LEKR1: variants seen among roughly 807,000 people sequenced by gnomAD.
The protein encoded by LEKR1 is leucine, glutamate and lysine rich 1.
A neutral mutation model predicts 72.4 loss-of-function variants in LEKR1; 59 were observed. The ratio of observed to expected loss-of-function variants is 0.82; its 90% CI spans 0.66 to 1.01. The LOEUF is 1.01. Ranked by LOEUF, LEKR1 falls within the 50% of genes least tolerant of loss-of-function variation. LEKR1 has a pLI of 0.00. For missense variants in LEKR1, 728 were observed against 759.2 expected, an observed-to-expected ratio of 0.96 and a Z score of 0.48; for synonymous variants, 257 against 263.2, an observed-to-expected ratio of 0.98 and a Z score of 0.23.
intron 1 of LEKR1, among the ~76,000 whole-genome samples, chr3:156,827,750 C>T (rs1711825756): frequency 6.6e-6 from 1 of 152,186 alleles, no homozygotes; most frequent in Non-Finnish European, 1.5e-5. Flanking sequence ...CCTTCTTATG[C>T]TAAGGCCATA....
At chr3:157,043,588 G>A (rs142019569) in intron 12 of LEKR1, among the ~76,000 whole-genome samples, 5 of 152,292 alleles carry the variant, frequency 3.3e-5, no homozygotes, top group Non-Finnish European at 7.4e-5. Context: ...TCAGAGTGGA[G>A]TTACTCTCAG....
intron 7 of LEKR1, among the ~76,000 whole-genome samples, chr3:156,990,341 C>A (rs1390323371): frequency 1.3e-5 from 2 of 152,154 alleles, no homozygotes; most frequent in African/African-American, 4.8e-5. Context: ...ATCACCTGAT[C>A]AAGATGTTGC....
At chr3:156,934,934 A>G (rs1338940264) in intron 5 of LEKR1, among the ~76,000 whole-genome samples, 3 of 152,156 alleles carry the variant, frequency 2.0e-5, no homozygotes, top group Admixed American at 2.0e-4. Context: ...ATGAACATGT[A>G]GGTTGATCAT....
chr3:156,886,898 C>T (rs1720155470), intron 3 of LEKR1, among the ~76,000 whole-genome samples: 1 of 152,166 alleles, frequency 6.6e-6, no homozygotes, highest in Admixed American at 6.5e-5. Flanking sequence ...AATTTAGAAT[C>T]ATTATATGTG....
rs542500432 is a variant in LEKR1, at chr3:156,985,833, ACT to A, written c.827+6561_827+6562del. ...ACTCCAGCCTGGGCAGCAAAGCGAG[ACT>A]CTGTGTCAAAAAAAAAAAAAAAAAA... On this transcript the variant is annotated intron_variant, in intron 7 of 12. Transcript: ENST00000356539. Among the ~76,000 whole-genome samples, 568 of 119,436 alleles carry A rather than the reference ACT, an allele frequency of 4.8e-3. 2 individuals are homozygous for A. The highest frequency in any genetic ancestry group is 0.016 in the African/African-American group (549 of 33,454). 78.4% of individuals were successfully genotyped at this position (119,436 alleles called of 152,430 possible).
intron 10 of LEKR1, among the ~76,000 whole-genome samples, chr3:157,012,517 T>G (rs865811807): frequency 5.9e-5 from 9 of 152,160 alleles, no homozygotes; most frequent in African/African-American, 2.2e-4. Context: ...TCCAGCATAC[T>G]GAAACCCTTT....
chr3:156,905,089 G>C (rs1048348433), intron 3 of LEKR1, among the ~76,000 whole-genome samples: 1 of 152,058 alleles, frequency 6.6e-6, no homozygotes, highest in East Asian at 1.9e-4. Context: ...GAGAGAGATA[G>C]AGGGGTGAGG....
chr3:156,931,488 C>T (rs1725220568), intron 5 of LEKR1, among the ~76,000 whole-genome samples: 1 of 152,090 alleles, frequency 6.6e-6, no homozygotes, highest in Non-Finnish European at 1.5e-5. Flanking sequence ...AAATTCCACC[C>T]TTTGGTATTT....
At chr3:156,979,447 A>G (rs778602290) in intron 7 of LEKR1, 172 bp downstream of exon 7, 1 of 318,036 alleles carries the variant, frequency 3.1e-6, no homozygotes, top group Non-Finnish European at 6.2e-6. Context: ...TTTCTTGCCC[A>G]CTTTACTGGC....
intron 10 of LEKR1, among the ~76,000 whole-genome samples, chr3:157,021,074 C>A (rs1480869232): frequency 2.0e-5 from 3 of 151,978 alleles, no homozygotes; most frequent in Admixed American, 2.0e-4. Flanking sequence ...GCATAAATGT[C>A]TTCTTTTGAG....
In LEKR1 at chr3:157,024,864, A is replaced by G; in HGVS notation, c.1308A>G (p.Lys436=). 6.2e-7 allele frequency: 1 copy of G among 1,609,606 alleles called. No homozygotes were observed. The highest frequency in any genetic ancestry group is 8.5e-7 in the Non-Finnish European group (1 of 1,176,676). The change falls in exon 11 of 13, where the codon AAA becomes AAG. Residue 436 remains lysine (K), a synonymous_variant. Transcript: ENST00000356539. ...EETKLQLDIE[K]EKHQDVIQKY... is the part of the protein sequence containing the mutation. ...CAAAATTGCAACTTGATATTGAAAA[A>G]GAAAAACACCAAGATGTAATCCAAA...
chr3:156,966,489 C>G lies in LEKR1; in HGVS notation c.746-12705C>G, dbSNP rs371767954. Among the ~76,000 whole-genome samples, 7 of 152,236 alleles carry G rather than the reference C, an allele frequency of 4.6e-5. No homozygotes were observed. In the East Asian group the frequency reaches 1.3e-3, roughly 29 times the overall value. On this transcript the variant is annotated intron_variant, in intron 6 of 12. Coordinates refer to ENST00000356539, the MANE Select transcript of LEKR1 (RefSeq NM_001004316.3). ...ACACATCAGGAGATTATATCCCGCACCGGGCGTGGAGGGTCCTGCGCCCAT... is the reference window on the plus strand; with the variant it reads ...ACACATCAGGAGATTATATCCCGCAGCGGGCGTGGAGGGTCCTGCGCCCAT...
intron 3 of LEKR1, among the ~76,000 whole-genome samples, chr3:156,855,484 T>G (rs1266542222): frequency 1.3e-5 from 2 of 152,186 alleles, no homozygotes; most frequent in African/African-American, 4.8e-5. Context: ...TTATTTTTGT[T>G]TATTTGTAGG....
intron 3 of LEKR1, among the ~76,000 whole-genome samples, chr3:156,882,952 T>C (rs1261632240): frequency 6.7e-6 from 1 of 149,068 alleles, no homozygotes; most frequent in African/African-American, 2.5e-5. Flanking sequence ...AATTGAACAA[T>C]GAGAACACAT....
intron 4 of LEKR1, among the ~76,000 whole-genome samples, chr3:156,922,516 A>G (rs1005276049): frequency 6.6e-5 from 10 of 151,940 alleles, no homozygotes; most frequent in African/African-American, 2.2e-4. Flanking sequence ...AGATCAGTGA[A>G]CTATGTTTTG....
At chr3:156,863,077 T>C (rs1307636034) in intron 3 of LEKR1, among the ~76,000 whole-genome samples, 4 of 152,090 alleles carry the variant, frequency 2.6e-5, no homozygotes, top group African/African-American at 9.7e-5. Context: ...GGGATTTTCA[T>C]ACTCATAGCC....
chr3:156,845,539 A>T (rs187982430), intron 2 of LEKR1, among the ~76,000 whole-genome samples: 6,519 of 149,416 alleles, frequency 0.044, 174 homozygotes, highest in Non-Finnish European at 0.061. Flanking sequence ...TTCCTTTTTT[A>T]AAAAAAAAAA....
chr3:156,981,181 A>G (rs1730168947), intron 7 of LEKR1, among the ~76,000 whole-genome samples: 1 of 152,198 alleles, frequency 6.6e-6, no homozygotes, highest in Admixed American at 6.5e-5. Context: ...ACACTCAAGG[A>G]TGTTCACACA....
chr3:156,955,065 T>C, intron 6 of LEKR1, among the ~76,000 whole-genome samples: 1 of 151,942 alleles, frequency 6.6e-6, no homozygotes. Context: ...TTGAAAAGGT[T>C]TTTCATTTCC....
Sources: gnomAD v4.1 joint callset for allele counts (sites outside exome capture counted in the v4.1 genomes callset) on GRCh38, gnomAD v4.1.1 for gene constraint, MANE v1.5 for transcripts, NCBI Gene and HGNC (gene_info 2026-07-23, HGNC 2026-07-21) for gene names.